REPS2: variants seen among roughly 807,000 people sequenced by gnomAD.
The protein encoded by REPS2 is ralBP1-associated Eps domain-containing protein 2.
REPS2 carries 23 observed loss-of-function variants against 53.6 expected under a neutral mutation model. The observed-to-expected ratio is 0.43, with a 90% CI of 0.31 to 0.61. REPS2 has a LOEUF of 0.61. Ranked by LOEUF, REPS2 falls within the 20% of genes least tolerant of loss-of-function variation. REPS2 has a pLI of 0.11. For missense variants in REPS2, 446 were observed against 534.9 expected (o/e 0.83, Z 1.64); for synonymous variants, 238 against 218.6 (o/e 1.09, Z -0.78).
chrX:16,968,543 G>A (rs1473205225), intron 1 of REPS2, among the ~76,000 whole-genome samples: 1 of 100,310 alleles, frequency 1.0e-5, no homozygotes, highest in Non-Finnish European at 2.1e-5. Flanking sequence ...CTCCCTCCGG[G>A]ACGGGGTGGC....
At chrX:17,070,475 A>G (rs1195541439) in intron 11 of REPS2, among the ~76,000 whole-genome samples, 2 of 112,028 alleles carry the variant, frequency 1.8e-5, no homozygotes, top group African/African-American at 6.5e-5. Flanking sequence ...CAAGGAGAAA[A>G]ATAAAAGTTG....
intron 12 of REPS2, 41 bp downstream of exon 12, chrX:17,074,200 G>T (rs761743096): frequency 8.9e-7 from 1 of 1,127,943 alleles, no homozygotes; most frequent in Non-Finnish European, 1.2e-6. Context: ...CCTTTGTGCC[G>T]TGCCCCTGCC....
chrX:17,126,284 G>A (rs1389995499), intron 14 of REPS2, among the ~76,000 whole-genome samples: 2 of 111,257 alleles, frequency 1.8e-5, no homozygotes, highest in Non-Finnish European at 3.8e-5. Context: ...AGCGAGAGGG[G>A]AGGGGAGTGC....
In REPS2 at chrX:17,133,818, C is replaced by T; in HGVS notation, c.1579-6C>T. The T allele has an allele frequency of 2.5e-6, 3 of 1,204,957 alleles. No individual in the cohort carries two copies. Among genetic ancestry groups the T allele is most frequent in the Non-Finnish European group, 3.4e-6 (3 of 889,418 alleles). On this transcript the variant is annotated splice_polypyrimidine_tract_variant and splice_region_variant and intron_variant, in intron 14 of 17. Coordinates refer to ENST00000357277, the MANE Select transcript of REPS2 (RefSeq NM_004726.3). ...TTTCTGTCCTCTCTCTGATCTCTTG[C>T]TACAGTCTGAACAAGTGTCGGAGGC...
the REPS2 span, among the ~76,000 whole-genome samples, chrX:17,185,754 C>T: frequency 9.0e-6 from 1 of 111,601 alleles, no homozygotes. Flanking sequence ...GAAAATCTGT[C>T]ACGTTCTGTA....
intron 5 of REPS2, among the ~76,000 whole-genome samples, chrX:17,030,104 T>C (rs1384120580): frequency 8.9e-6 from 1 of 112,667 alleles, no homozygotes; most frequent in Non-Finnish European, 1.9e-5. Context: ...TATTGTACAA[T>C]GGCAGCAGCT....
Position 17,149,738 on chromosome X carries a change from T to A in REPS2, c.*2257T>A, listed in dbSNP as rs2063551812. 8.9e-6 allele frequency: 1 copy of A among 112,289 alleles called. No homozygotes were observed. The highest frequency in any genetic ancestry group is 9.4e-5 in the Admixed American group (1 of 10,640). 9.3% of individuals were successfully genotyped at this position (112,289 alleles called of 1,213,427 possible). On this transcript the variant is annotated 3_prime_UTR_variant, in exon 18 of 18. Transcript: ENST00000357277. Reference sequence around the variant, plus strand: ...TGCTCTCAGTTGGGATAGCAGTTCATTTCCATTAGGCAGACGTATAAACTA... The same window carrying A: ...TGCTCTCAGTTGGGATAGCAGTTCAATTCCATTAGGCAGACGTATAAACTA...
intron 16 of REPS2, 52 bp from the exon 17 acceptor site, chrX:17,138,804 G>C (rs1171219746): frequency 1.2e-6 from 1 of 826,875 alleles, no homozygotes; most frequent in African/African-American, 2.1e-5. Flanking sequence ...TGACCCTCAA[G>C]GGTCCAGACC....
At chrX:17,028,164 A>G (rs2061669971) in intron 4 of REPS2, among the ~76,000 whole-genome samples, 1 of 111,300 alleles carries the variant, frequency 9.0e-6, no homozygotes, top group Non-Finnish European at 1.9e-5. Flanking sequence ...CTGTTCCCCC[A>G]TGTGTCTCCC....
At chrX:16,984,047 C>T (rs2061058021) in intron 1 of REPS2, among the ~76,000 whole-genome samples, 1 of 112,670 alleles carries the variant, frequency 8.9e-6, no homozygotes, top group Admixed American at 9.4e-5. Context: ...AACAGGTTAC[C>T]TCAAAACTTA....
At chrX:16,949,155 C>G (rs1463113147) in intron 1 of REPS2, among the ~76,000 whole-genome samples, 1 of 110,831 alleles carries the variant, frequency 9.0e-6, no homozygotes, top group African/African-American at 3.3e-5. Flanking sequence ...GTGTATTAGC[C>G]ATTCTTTAAA....
chrX:16,968,740 A>C (rs2060824543), intron 1 of REPS2, among the ~76,000 whole-genome samples: 1 of 93,450 alleles, frequency 1.1e-5, no homozygotes, highest in Admixed American at 1.1e-4. Context: ...CCGGCCGGGC[A>C]GAGGGGCTCC....
intron 13 of REPS2, among the ~76,000 whole-genome samples, chrX:17,083,646 A>G (rs764139195): frequency 1.8e-5 from 2 of 111,823 alleles, no homozygotes; most frequent in Non-Finnish European, 3.8e-5. Context: ...GGAGTAAGAG[A>G]TGTTCCTAAT....
At chrX:17,011,369 A>G (rs1055796447) in intron 2 of REPS2, among the ~76,000 whole-genome samples, 11 of 110,951 alleles carry the variant, frequency 9.9e-5, no homozygotes, top group African/African-American at 3.0e-4. Flanking sequence ...TGTGGTGAAC[A>G]TTTGCCCTGG....
At chrX:17,080,415 C>T (rs968789651) in intron 13 of REPS2, among the ~76,000 whole-genome samples, 3 of 110,439 alleles carry the variant, frequency 2.7e-5, no homozygotes, top group Admixed American at 9.7e-5. Flanking sequence ...CCTCACTCTC[C>T]CCTTGCCAAG....
intron 1 of REPS2, among the ~76,000 whole-genome samples, chrX:16,967,147 A>T (rs983012204): frequency 8.9e-6 from 1 of 112,415 alleles, no homozygotes; most frequent in African/African-American, 3.2e-5. Flanking sequence ...ACATAAAAAG[A>T]ATAATTTGTG....
chrX:16,957,542 A>G (rs1277998422), intron 1 of REPS2, among the ~76,000 whole-genome samples: 1 of 112,073 alleles, frequency 8.9e-6, no homozygotes, highest in African/African-American at 3.2e-5. Context: ...AGCCTTGTGA[A>G]AAACAGATGA....
intron 16 of REPS2, 122 bp from the exon 17 acceptor site, chrX:17,138,734 T>C: frequency 2.8e-6 from 1 of 359,042 alleles, no homozygotes; most frequent in Non-Finnish European, 4.8e-6. Context: ...GAGATTTTAT[T>C]TTTGGAGCCC....
At chrX:16,978,504 T>A in intron 1 of REPS2, 1 of 712,509 alleles carries the variant, frequency 1.4e-6, no homozygotes, top group African/African-American at 2.3e-5. Context: ...TTTCCTTTTT[T>A]TCTTTTTTTT....
Sources: allele counts gnomAD v4.1 joint callset (sites outside exome capture counted in the v4.1 genomes callset), GRCh38; gene constraint gnomAD v4.1.1; transcripts MANE v1.5; gene names NCBI Gene and HGNC (gene_info 2026-07-23, HGNC 2026-07-21).